GLDC: variants seen among roughly 807,000 people sequenced by gnomAD.
The protein encoded by GLDC is glycine decarboxylase.
Under a neutral mutation model 121.3 loss-of-function variants are expected in GLDC, and 104 were observed. The ratio of observed to expected loss-of-function variants is 0.86; its 90% CI spans 0.73 to 1.01. GLDC has a LOEUF of 1.01. Ranked by LOEUF, GLDC falls within the 50% of genes least tolerant of loss-of-function variation. The pLI, the probability that GLDC is intolerant of heterozygous loss-of-function variation, is 0.00. For missense variants in GLDC, 1,429 were observed against 1,306.6 expected (o/e 1.09, Z -1.44); for synonymous variants, 546 against 480.6 (o/e 1.14, Z -1.78).
At chr9:6,591,196 T>C (rs757870334) in intron 11 of GLDC, among the ~76,000 whole-genome samples, 48 of 152,354 alleles carry the variant, frequency 3.2e-4, no homozygotes, top group Non-Finnish European at 6.3e-4. Flanking sequence ...ATAGCTTTCA[T>C]GTACTCCCTC....
At chr9:6,566,767 G>T (rs1178973294) in intron 15 of GLDC, among the ~76,000 whole-genome samples, 2 of 152,140 alleles carry the variant, frequency 1.3e-5, no homozygotes, top group African/African-American at 4.8e-5. Flanking sequence ...ACTAAAAAAA[G>T]ATACAAAAAT....
At chr9:6,592,639 GA>G (rs540343371) in intron 10 of GLDC, among the ~76,000 whole-genome samples, 93 of 152,286 alleles carry the variant, frequency 6.1e-4, no homozygotes, top group African/African-American at 2.2e-3. Context: ...TCCCACATAT[GA>G]AAACACTAAG....
At chr9:6,595,291 A>C (rs931496134) in intron 8 of GLDC, among the ~76,000 whole-genome samples, 172 bp from the exon 9 acceptor site, 1 of 152,184 alleles carries the variant, frequency 6.6e-6, no homozygotes, top group Non-Finnish European at 1.5e-5. Context: ...TGACTACCTG[A>C]AAGGAACCAT....
chr9:6,594,000 A>C (rs778424473), intron 9 of GLDC, among the ~76,000 whole-genome samples: 12 of 151,424 alleles, frequency 7.9e-5, no homozygotes, highest in Admixed American at 4.6e-4. Flanking sequence ...GCCTATTTCT[A>C]TTTTTTTATA....
intron 15 of GLDC, among the ~76,000 whole-genome samples, chr9:6,580,189 C>A (rs1818146691): frequency 6.6e-6 from 1 of 152,170 alleles, no homozygotes; most frequent in African/African-American, 2.4e-5. Flanking sequence ...CTTCAGGCCC[C>A]AAAGAACTCT....
intron 4 of GLDC, among the ~76,000 whole-genome samples, chr9:6,609,627 C>A (rs998937939): frequency 6.6e-6 from 1 of 151,862 alleles, no homozygotes. Flanking sequence ...CTCACCCCCA[C>A]CCCCAGCCAC....
chr9:6,594,864 C>T, intron 9 of GLDC, 150 bp downstream of exon 9: 1 of 653,316 alleles, frequency 1.5e-6, no homozygotes, highest in East Asian at 2.6e-5. Context: ...AGCAAAACAA[C>T]AAAATAATCA....
chr9:6,624,924 A>G (rs2773503), intron 2 of GLDC, among the ~76,000 whole-genome samples: 60,241 of 151,340 alleles, frequency 0.4, 13,239 homozygotes, highest in African/African-American at 0.59. Flanking sequence ...GGAGGCGGAG[A>G]TTGCAGTGAG....
intron 2 of GLDC, among the ~76,000 whole-genome samples, chr9:6,634,950 T>A (rs902034283): frequency 5.9e-5 from 9 of 152,084 alleles, no homozygotes; most frequent in Admixed American, 2.6e-4. Flanking sequence ...GGAAAATAAA[T>A]CCCTTTTGGC....
intron 4 of GLDC, among the ~76,000 whole-genome samples, 169 bp from the exon 5 acceptor site, chr9:6,606,838 C>T (rs772843686): frequency 6.6e-6 from 1 of 151,866 alleles, no homozygotes; most frequent in Non-Finnish European, 1.5e-5. Flanking sequence ...TTTGGGAGGC[C>T]GAGGCGGGCA....
At chr9:6,551,547 A>C (rs1817514986) in intron 20 of GLDC, among the ~76,000 whole-genome samples, 1 of 152,158 alleles carries the variant, frequency 6.6e-6, no homozygotes, top group Admixed American at 6.5e-5. Flanking sequence ...ATACATAACT[A>C]ATGTAAAGAG....
chr9:6,633,821 C>CTTTTTTTTTTTTT (rs1156711956), intron 2 of GLDC, among the ~76,000 whole-genome samples: 3 of 89,462 alleles, frequency 3.4e-5, no homozygotes, highest in African/African-American at 1.5e-4. Flanking sequence ...GCAGGAGAAT[C>CTTTTTTTTTTTTT]TTTTTTTTTT....
intron 16 of GLDC, among the ~76,000 whole-genome samples, chr9:6,561,731 C>T (rs1234233532): frequency 1.3e-5 from 2 of 152,182 alleles, no homozygotes; most frequent in Non-Finnish European, 2.9e-5. Context: ...AAAGCAAATC[C>T]AGCATTTGGT....
intron 21 of GLDC, among the ~76,000 whole-genome samples, chr9:6,547,890 G>A (rs1817430461): frequency 6.6e-6 from 1 of 152,192 alleles, no homozygotes; most frequent in Non-Finnish European, 1.5e-5. Context: ...AGCATTTTGG[G>A]AGGCCGAGGT....
chr9:6,624,616 G>A lies in GLDC; in HGVS notation c.335-4297C>T, dbSNP rs186631277. On this transcript the variant is annotated intron_variant, in intron 2 of 24. Coordinates refer to ENST00000321612, the MANE Select transcript of GLDC (RefSeq NM_000170.3). Reference sequence around the variant, plus strand: ...GTACTATATTACATGGCAGCCATAGGAAACTAATTAAAAAAACTGTATCAG... The same window carrying A: ...GTACTATATTACATGGCAGCCATAGAAAACTAATTAAAAAAACTGTATCAG... 2.3e-3 allele frequency among the ~76,000 whole-genome samples: 356 copies of A among 152,156 alleles called. 2 individuals are homozygous for A. The highest frequency in any genetic ancestry group is 4.2e-3 in the Non-Finnish European group (289 of 68,006).
At chr9:6,584,288 T>C (rs772620040) in intron 15 of GLDC, among the ~76,000 whole-genome samples, 2 of 152,226 alleles carry the variant, frequency 1.3e-5, no homozygotes, top group Non-Finnish European at 2.9e-5. Flanking sequence ...ATTTTGAGTA[T>C]AACATCAGTG....
At position 6,572,170 on chromosome 9, in the gene GLDC, T is replaced by C. The variant is rs577262133; in HGVS notation, c.1851-6741A>G. 1.1e-3 allele frequency among the ~76,000 whole-genome samples: 172 copies of C among 152,184 alleles called. 2 individuals carry two copies. Among genetic ancestry groups the C allele is most frequent in the African/African-American group, 4.0e-3 (167 of 41,516 alleles). On this transcript the variant is annotated intron_variant, in intron 15 of 24. Transcript: ENST00000321612. ...AAGCACAATTCATAAAAGAAAAAAA[T>C]TGATAAATTGAACTCCATCATAATT...
chr9:6,604,813 A>G (rs754219988), intron 6 of GLDC, 29 bp from the exon 7 acceptor site: 2 of 1,576,944 alleles, frequency 1.3e-6, no homozygotes, highest in African/African-American at 2.7e-5. Context: ...AAAAGGAACA[A>G]GGTTGCTACC....
intron 3 of GLDC, among the ~76,000 whole-genome samples, chr9:6,616,039 T>C (rs1818961539): frequency 6.6e-6 from 1 of 152,192 alleles, no homozygotes; most frequent in African/African-American, 2.4e-5. Context: ...ACTCACATGA[T>C]CTTCCTGCCT....
Sources: gnomAD v4.1 joint callset for allele counts (sites outside exome capture counted in the v4.1 genomes callset) on GRCh38, gnomAD v4.1.1 for gene constraint, MANE v1.5 for transcripts, NCBI Gene and HGNC (gene_info 2026-07-23, HGNC 2026-07-21) for gene names.